Variants in JAKMIP3 observed in about 807,000 individuals in gnomAD.
JAKMIP3 encodes the protein Janus kinase and microtubule interacting protein 3.
A neutral mutation model predicts 118.5 loss-of-function variants in JAKMIP3; 58 were observed. The observed-to-expected ratio is 0.49, with a 90% CI of 0.40 to 0.61. JAKMIP3 has a LOEUF of 0.61. Among genes scored for constraint, JAKMIP3 ranks in the 20% least tolerant of loss-of-function variants. The pLI is 0.00. For missense variants in JAKMIP3, 950 were observed against 1,109.0 expected (o/e 0.86, Z 2.04); for synonymous variants, 486 against 451.2 (o/e 1.08, Z -0.98).
chr10:132,111,557 G>T (rs1415648659), intron 2 of JAKMIP3, among the ~76,000 whole-genome samples: 1 of 152,030 alleles, frequency 6.6e-6, no homozygotes, highest in Non-Finnish European at 1.5e-5. Flanking sequence ...GGCAGGAGGG[G>T]GCCTAGTAAC....
chr10:132,163,243 C>T lies in JAKMIP3; in HGVS notation c.2255C>T (p.Ala752Val), dbSNP rs750693542. The T allele has an allele frequency of 2.5e-6, 4 of 1,574,542 alleles. No individual in the cohort carries two copies. Among genetic ancestry groups the T allele is most frequent in the South Asian group, 1.2e-5 (1 of 85,812 alleles). Reference sequence around the variant, plus strand: ...GAGCTGGAAGCCATGCTGTATGATGCCCTGCAGCAGGAGGCCGGGGCTAAG... The same window carrying T: ...GAGCTGGAAGCCATGCTGTATGATGTCCTGCAGCAGGAGGCCGGGGCTAAG... ...ILELEAMLYD[A>V]LQQEAGAKVA... The change falls in exon 20 of 24, where the codon GCC (alanine) becomes GTC (valine). Residue 752 changes from alanine to valine, a missense_variant. By Grantham distance (64) the Ala-to-Val change is moderately conservative. Transcript: ENST00000684848.
Position 132,180,686 on chromosome 10 carries a change from TGTGTGC to T in JAKMIP3, c.*1104-1667_*1104-1662del, listed in dbSNP as rs1304637547. Among the ~76,000 whole-genome samples the T allele has an allele frequency of 4.8e-3, 100 of 20,958 alleles. 8 individuals are homozygous for T. The highest frequency in any genetic ancestry group is 8.9e-3 in the South Asian group (6 of 672). The allele number at this position is 20,958 out of a possible 152,430, so 13.7% of individuals were successfully genotyped here. ...GTGTGCGTGTGTGTGCGCGCGCGTG[TGTGTGC>T]GTGCGTGTGTGTGTGCGCGTGTGTG... On this transcript the variant is annotated intron_variant, in intron 23 of 23. Coordinates refer to ENST00000684848, the MANE Select transcript of JAKMIP3 (RefSeq NM_001323087.2).
chr10:132,141,420 G>A (rs2053490319), intron 10 of JAKMIP3, among the ~76,000 whole-genome samples: 1 of 152,164 alleles, frequency 6.6e-6, no homozygotes, highest in East Asian at 1.9e-4. Context: ...GGGGGGCACT[G>A]CAGCTAGCAG....
rs2060491711 is a variant in JAKMIP3 at position 132,179,454 on chromosome 10, G to A, written c.*1104-2903G>A. On this transcript the variant is annotated intron_variant, in intron 23 of 23. Transcript: ENST00000684848. This position sits in a 1 kb window ranked among gnomAD's most constrained non-coding sequence, Gnocchi z 4.3. Reference sequence around the variant, plus strand: ...CCTGAGAACTGGGAGCTCTTGGGATGAGGATTATCTGGGTTTCTCCCGCGG... The same window carrying A: ...CCTGAGAACTGGGAGCTCTTGGGATAAGGATTATCTGGGTTTCTCCCGCGG... Among the ~76,000 whole-genome samples, 1 of 152,140 alleles carries A rather than the reference G, an allele frequency of 6.6e-6. No homozygotes were observed. Among genetic ancestry groups the A allele is most frequent in the Admixed American group, 6.5e-5 (1 of 15,282 alleles).
chr10:132,080,489 T>C (rs1408634303), intron 1 of JAKMIP3, among the ~76,000 whole-genome samples: 1 of 149,446 alleles, frequency 6.7e-6, no homozygotes, highest in Non-Finnish European at 1.5e-5. Flanking sequence ...ATTTTCTTGC[T>C]GTCAAGTTAT....
intron 1 of JAKMIP3, among the ~76,000 whole-genome samples, chr10:132,101,208 T>C (rs1386198790): frequency 6.6e-6 from 1 of 152,140 alleles, no homozygotes; most frequent in African/African-American, 2.4e-5. Flanking sequence ...TTTAGCTTTC[T>C]ATACTTTCCC....
intron 11 of JAKMIP3, among the ~76,000 whole-genome samples, chr10:132,143,407 AG>A (rs1392096768): frequency 5.3e-5 from 8 of 152,096 alleles, no homozygotes; most frequent in Non-Finnish European, 7.4e-5. Flanking sequence ...CAAGCTCGCC[AG>A]GAGCTGGAGG....
intron 1 of JAKMIP3, among the ~76,000 whole-genome samples, chr10:132,082,831 G>A (rs961225397): frequency 1.3e-5 from 2 of 152,154 alleles, no homozygotes; most frequent in Non-Finnish European, 2.9e-5. Context: ...GGATGGTCTC[G>A]ATCTCTTGAC....
intron 1 of JAKMIP3, among the ~76,000 whole-genome samples, chr10:132,053,495 G>A (rs2038152113): frequency 6.6e-6 from 1 of 152,204 alleles, no homozygotes; most frequent in Non-Finnish European, 1.5e-5. Context: ...GCCCTCAGGC[G>A]AACACTGCTT....
rs2037832448 is a variant in JAKMIP3, at chr10:132,043,897, A to C, written c.-138+7159A>C. 2.0e-5 allele frequency among the ~76,000 whole-genome samples: 3 copies of C among 152,254 alleles called. No homozygotes were observed. The South Asian group carries it at 6.2e-4, about 31-fold the overall frequency. On this transcript the variant is annotated intron_variant, in intron 1 of 23. Coordinates refer to the JAKMIP3 transcript ENST00000657785. ...AATAAGGATTGGAAATAAGCTAGGA[A>C]TTGAATCAAGTTGAGTTTTTTGCTT...
At chr10:132,037,828 GCGCAGGCTTCCCCCTACCCCTGCCC>G (rs559729727) in intron 1 of JAKMIP3, among the ~76,000 whole-genome samples, 88 of 152,342 alleles carry the variant, frequency 5.8e-4, no homozygotes, top group Non-Finnish European at 4.6e-4. Flanking sequence ...CTGGGCCGCA[GCGCAGGCTTCCCCCTACCCCTGCCC>G]CGGGGGCCTG....
chr10:132,039,870 T>C (rs1250595320), intron 1 of JAKMIP3, among the ~76,000 whole-genome samples: 1 of 152,246 alleles, frequency 6.6e-6, no homozygotes, highest in Non-Finnish European at 1.5e-5. Flanking sequence ...AGTCACGCTG[T>C]GTGTGGAGGT....
At chr10:132,078,625 G>GGGGT (rs371796858) in intron 1 of JAKMIP3, among the ~76,000 whole-genome samples, 20 of 140,918 alleles carry the variant, frequency 1.4e-4, no homozygotes, top group African/African-American at 4.8e-4. Flanking sequence ...GGGGCGGGGG[G>GGGGT]GGGGGGGGGT....
chr10:132,164,790 G>A (rs1426656518), intron 21 of JAKMIP3, 55 bp downstream of exon 21: 20 of 1,224,532 alleles, frequency 1.6e-5, no homozygotes, highest in African/African-American at 6.0e-5. Context: ...AGAGGAACCC[G>A]GTGTCACCCC....
chr10:132,092,642 A>G (rs1237505198), intron 1 of JAKMIP3, among the ~76,000 whole-genome samples: 1 of 151,408 alleles, frequency 6.6e-6, no homozygotes, highest in African/African-American at 2.4e-5. Flanking sequence ...ACTTCTCTAC[A>G]TTGGTTATTC....
intron 1 of JAKMIP3, among the ~76,000 whole-genome samples, chr10:132,051,749 GC>G (rs1327304290): frequency 6.6e-6 from 1 of 152,090 alleles, no homozygotes; most frequent in Non-Finnish European, 1.5e-5. Context: ...GAGACCAGAG[GC>G]ATCGGCAATC....
intron 23 of JAKMIP3, chr10:132,181,164 C>G (rs2061421376): frequency 6.6e-6 from 1 of 152,220 alleles, no homozygotes; most frequent in Non-Finnish European, 1.5e-5. Flanking sequence ...GTGGAGTGTG[C>G]TGACAATGGA....
At position 132,140,486 on chromosome 10, in the gene JAKMIP3, A is replaced by C. The variant is rs752106852; in HGVS notation, c.1380A>C (p.Glu460Asp). 13 of 1,613,820 alleles carry C rather than the reference A, an allele frequency of 8.1e-6. No homozygotes were observed. In the South Asian group the frequency reaches 1.4e-4, roughly 18 times the overall value. The change falls in exon 10 of 24, where the codon GAA (glutamate) becomes GAC (aspartate). Residue 460 changes from glutamate to aspartate, a missense_variant. Physicochemically the swap from Glu to Asp is conservative, Grantham distance 45 (BLOSUM62 2). Transcript: ENST00000684848. ...VVVETFFGYD[E>D]EASLESDGSS... is the part of the protein sequence containing the mutation. ...TGGAGACCTTCTTTGGATACGACGA[A>C]GAGGCTTCCCTGGAATCCGACGGCT... is the stretch of plus-strand genomic sequence containing the variant.
intron 19 of JAKMIP3, among the ~76,000 whole-genome samples, chr10:132,159,672 T>TCCTCTCCCTATGTGATGCTCAGGGGG (rs1290472885): frequency 9.1e-5 from 3 of 33,014 alleles, no homozygotes; most frequent in Non-Finnish European, 1.7e-4. Context: ...TGCTGGGGGG[T>TCCTCTCCCTATGTGATGCTCAGGGGG]CCTCTCCCTA....
Sources: gnomAD v4.1 joint callset for allele counts (sites outside exome capture counted in the v4.1 genomes callset) on GRCh38, gnomAD v4.1.1 for gene constraint, Gnocchi (gnomAD v3.1) non-coding constraint, MANE v1.5 for transcripts, NCBI Gene and HGNC (gene_info 2026-07-23, HGNC 2026-07-21) for gene names.